The following CDC25A variants were observed in gnomAD, a reference collection of about 807,000 sequenced individuals.
CDC25A encodes the protein M-phase inducer phosphatase 1.
CDC25A carries 17 observed loss-of-function variants against 64.6 expected under a neutral mutation model. The observed-to-expected ratio is 0.26, with a 90% CI of 0.18 to 0.39. The LOEUF is 0.39. Among genes scored for constraint, CDC25A ranks in the 10% least tolerant of loss-of-function variants. CDC25A has a pLI of 1.00. For synonymous variants in CDC25A, 229 were observed against 238.6 expected, an observed-to-expected ratio of 0.96 and a Z score of 0.37; for missense variants, 473 against 654.8, an observed-to-expected ratio of 0.72 and a Z score of 3.03.
At chr3:48,163,673 G>A (rs1575259627) in intron 13 of CDC25A, among the ~76,000 whole-genome samples, 2 of 152,080 alleles carry the variant, frequency 1.3e-5, no homozygotes, top group East Asian at 3.9e-4. Context: ...ATAAAAAGGT[G>A]GCATAAGAAC....
At chr3:48,181,061 A>AC (rs1256339117) in intron 5 of CDC25A, among the ~76,000 whole-genome samples, 5 of 152,232 alleles carry the variant, frequency 3.3e-5, no homozygotes, top group Non-Finnish European at 7.3e-5. Context: ...ATTTCCTAAC[A>AC]CAAGTATCTG....
rs530558773 is a variant in CDC25A at position 48,158,994 on chromosome 3, G to C, written c.1526C>G (p.Ala509Gly). 1 of 1,614,130 alleles carries C rather than the reference G, an allele frequency of 6.2e-7. No homozygotes were observed. Among genetic ancestry groups the C allele is most frequent in the Non-Finnish European group, 8.5e-7 (1 of 1,180,008 alleles). ...CATCTCCCTCTTGCTCTTCTCCCCTGCCCAGGTCCGGCTCTTGGTGCGGAA... is the reference window on the plus strand; with the variant it reads ...CATCTCCCTCTTGCTCTTCTCCCCTCCCCAGGTCCGGCTCTTGGTGCGGAA... ...KKFRTKSRTW[A>G]GEKSKREMYS... Residue 509 changes from alanine (A) to glycine (G), a missense_variant, in exon 15 of 15, where the codon GCA (alanine) becomes GGA (glycine). This residue lies in a region of CDC25A where 97 missense variants were observed against 223.0 expected (regional missense o/e 0.43). Coordinates refer to ENST00000302506, the MANE Select transcript of CDC25A (RefSeq NM_001789.3).
rs754829912 is a variant in CDC25A, at chr3:48,177,902, A to C, written c.636T>G (p.Ser212=). ...TPQSPVTATL[S]DEDDGFVDLL... ...GGTCCACGAAGCCATCATCCTCATC[A>C]GACAAAGTGGCTGTCACAGGTGACT... Residue 212 remains serine (S), a synonymous_variant, in exon 7 of 15, where the codon TCT becomes TCG. Transcript: ENST00000302506. 2.5e-6 allele frequency: 4 copies of C among 1,614,088 alleles called. No individual in the cohort carries two copies. In the South Asian group the frequency reaches 4.4e-5, roughly 18 times the overall value.
Position 48,180,951 on chromosome 3 carries a change from A to G in CDC25A, c.430-111T>C, listed in dbSNP as rs531022248. On this transcript the variant is annotated intron_variant, in intron 5 of 14. Transcript: ENST00000302506. ...GATCACCTTTCTGCCTCCAAATTAA[A>G]GTTTCACCTAATTCCAACAATAGAT... The G allele has an allele frequency of 1.1e-4, 103 of 971,582 alleles. No homozygotes were observed. The African/African-American group carries it at 1.5e-3, about 14-fold the overall frequency. 60.2% of individuals were successfully genotyped at this position (971,582 alleles called of 1,614,324 possible). A position where few individuals can be genotyped will look rare whatever the true frequency, so the allele number is the denominator to read the frequency against.
intron 6 of CDC25A, among the ~76,000 whole-genome samples, chr3:48,178,278 T>C (rs2032540541): frequency 6.6e-6 from 1 of 152,176 alleles, no homozygotes; most frequent in African/African-American, 2.4e-5. Context: ...TTTCTTTTAT[T>C]AGAAGGTTGC....
chr3:48,160,741 G>A (rs2031723757), intron 13 of CDC25A, among the ~76,000 whole-genome samples: 1 of 152,118 alleles, frequency 6.6e-6, no homozygotes, highest in Non-Finnish European at 1.5e-5. Context: ...GTACACAAGA[G>A]CCAAGAGTAT....
At position 48,165,787 on chromosome 3, in the gene CDC25A, T is replaced by C. The variant is rs371777265; in HGVS notation, c.1092+44A>G. On this transcript the variant is annotated intron_variant, in intron 11 of 14. Coordinates refer to ENST00000302506, the MANE Select transcript of CDC25A (RefSeq NM_001789.3). The stretch of plus-strand genomic sequence containing the variant: ...ACTTTGACCGTCAGGGAAAACTAGA[T>C]TCAAGTACCCGATGTGTGGTGGGTT... 5.7e-6 allele frequency: 9 copies of C among 1,588,712 alleles called. No individual in the cohort carries two copies. In the African/African-American group the frequency reaches 9.4e-5, roughly 17 times the overall value.
chr3:48,165,976 G>A, intron 10 of CDC25A, 83 bp from the exon 11 acceptor site: 1 of 985,992 alleles, frequency 1.0e-6, no homozygotes, highest in South Asian at 1.4e-5. Context: ...GCTGGTAGGA[G>A]GCATCTTTTA....
At chr3:48,182,478 T>C (rs771754415) in intron 5 of CDC25A, among the ~76,000 whole-genome samples, 20 of 152,210 alleles carry the variant, frequency 1.3e-4, no homozygotes, top group Non-Finnish European at 1.9e-4. Flanking sequence ...CTAGAACTTG[T>C]TGACCCCGTT....
At chr3:48,168,360 C>CCACACACACACACACACA (rs58104019) in intron 9 of CDC25A, among the ~76,000 whole-genome samples, 53 of 106,606 alleles carry the variant, frequency 5.0e-4, no homozygotes, top group African/African-American at 7.3e-4. Context: ...AAGACCCTGT[C>CCACACACACACACACACA]CACACACACA....
chr3:48,188,272 C>T lies in CDC25A; in HGVS notation c.-325G>A, dbSNP rs2032926762. Reference sequence around the variant, plus strand: ...TCGGCAAGAGAAGCCGGGCGAGAGCCTCGAGGCAACGGCCCAGGCTCACGC... The same window carrying T: ...TCGGCAAGAGAAGCCGGGCGAGAGCTTCGAGGCAACGGCCCAGGCTCACGC... On this transcript the variant is annotated 5_prime_UTR_variant, in exon 1 of 15. Transcript: ENST00000302506. The T allele has an allele frequency of 4.4e-6, 1 of 229,096 alleles. No individual in the cohort carries two copies. Among genetic ancestry groups the T allele is most frequent in the Non-Finnish European group, 8.4e-6 (1 of 118,714 alleles). The allele number at this position is 229,096 out of a possible 1,614,324, so 14.2% of individuals were successfully genotyped here.
intron 5 of CDC25A, chr3:48,181,506 C>T: frequency 1.9e-6 from 2 of 1,054,678 alleles, no homozygotes; most frequent in South Asian, 1.3e-5. Flanking sequence ...TTCCCCGTTG[C>T]CCTTGGTCTC....
chr3:48,164,378 A>G lies in CDC25A; in HGVS notation c.1251T>C (p.Ile417=). 6.2e-7 allele frequency: 1 copy of G among 1,603,062 alleles called. No homozygotes were observed. The highest frequency in any genetic ancestry group is 8.5e-7 in the Non-Finnish European group (1 of 1,176,202). ...TGACACGCTTGCCATCAGTAGGTAC[A>G]ATGGGCTTCTTCAATAAGAAGTCTT... is the stretch of plus-strand genomic sequence containing the variant. The part of the protein sequence containing the change: ...EVEDFLLKKP[I]VPTDGKRVIV... The change falls in exon 13 of 15, where the codon ATT becomes ATC. Residue 417 remains isoleucine, a synonymous_variant. Transcript: ENST00000302506.
rs751897112 is a variant in CDC25A, at chr3:48,174,396, A to C, written c.818T>G (p.Leu273Trp). 1.9e-6 allele frequency: 3 copies of C among 1,614,134 alleles called. No individual in the cohort carries two copies. The Admixed American group carries it at 5.0e-5, about 27-fold the overall frequency. ...SLCSSSTRSV[L>W]KRPERSQEES... ...CTCTTGAGATCGTTCTGGTCTCTTC[A>C]ACACTGACCGAGTGCTGGAGCTACA... Residue 273 changes from leucine to tryptophan, a missense_variant, in exon 9 of 15, where the codon TTG becomes TGG. Transcript: ENST00000302506.
At chr3:48,180,180 A>C (rs949347361) in intron 6 of CDC25A, 1 of 152,208 alleles carries the variant, frequency 6.6e-6, no homozygotes, top group Non-Finnish European at 1.5e-5. Context: ...CAGTTTTCCA[A>C]AGTGCTGAGA....
intron 2 of CDC25A, among the ~76,000 whole-genome samples, chr3:48,186,434 T>A (rs1009827410): frequency 2.6e-5 from 4 of 152,026 alleles, no homozygotes; most frequent in African/African-American, 9.7e-5. Context: ...CCGGGTGTGG[T>A]GGTGCATGCC....
Position 48,159,365 on chromosome 3 carries a change from C to T in CDC25A, c.1413G>A (p.Lys471=), listed in dbSNP as rs780608124. Residue 471 remains lysine, a synonymous_variant, in exon 14 of 15, where the codon AAG becomes AAA. Transcript: ENST00000302506. The stretch of plus-strand genomic sequence containing the variant: ...TTACCTGGCATTTCATAAAGAACTC[C>T]TTGTATCCCCCCTTCAGGACATACA... ...PELYVLKGGY[K]EFFMKCQSYC... The T allele has an allele frequency of 6.2e-7, 1 of 1,613,130 alleles. No homozygotes were observed. The highest frequency in any genetic ancestry group is 8.5e-7 in the Non-Finnish European group (1 of 1,179,132).
At chr3:48,163,293 A>C (rs2106692449) in intron 13 of CDC25A, among the ~76,000 whole-genome samples, 1 of 151,176 alleles carries the variant, frequency 6.6e-6, no homozygotes, top group Non-Finnish European at 1.5e-5. Context: ...CAAAAAAAAA[A>C]AAAAAAAAGA....
intron 13 of CDC25A, among the ~76,000 whole-genome samples, chr3:48,161,731 A>G (rs972366931): frequency 6.6e-6 from 1 of 152,022 alleles, no homozygotes; most frequent in Non-Finnish European, 1.5e-5. Flanking sequence ...AAAAGAGAGC[A>G]GCATCTTTTG....
Sources: allele counts gnomAD v4.1 joint callset (sites outside exome capture counted in the v4.1 genomes callset), GRCh38; gene constraint gnomAD v4.1.1; regional missense constraint gnomAD v4.1.1; transcripts MANE v1.5; gene names NCBI Gene and HGNC (gene_info 2026-07-23, HGNC 2026-07-21).